Variants in OSBPL6 observed in about 807,000 individuals in gnomAD.
OSBPL6 encodes oxysterol binding protein like 6.
OSBPL6 carries 49 observed loss-of-function variants against 125.8 expected under a neutral mutation model. The observed-to-expected ratio is 0.39, with a 90% CI of 0.31 to 0.49. The LOEUF (loss-of-function observed/expected upper bound fraction) is 0.49. OSBPL6 is among the 20% of genes least tolerant of loss of function. The pLI, the probability that OSBPL6 is intolerant of heterozygous loss-of-function variation, is 0.88. For missense variants in OSBPL6, 986 were observed against 1,135.4 expected, an observed-to-expected ratio of 0.87 and a Z score of 1.89; for synonymous variants, 394 against 391.8, an observed-to-expected ratio of 1.01 and a Z score of -0.07.
intron 11 of OSBPL6, among the ~76,000 whole-genome samples, chr2:178,344,553 A>G (rs1373818646): frequency 1.3e-5 from 2 of 152,226 alleles, no homozygotes; most frequent in Admixed American, 6.5e-5. Context: ...CCTTTTTACA[A>G]TGGAGAACTA....
chr2:178,356,189 G>A (rs1211867546), intron 12 of OSBPL6, among the ~76,000 whole-genome samples: 1 of 152,178 alleles, frequency 6.6e-6, no homozygotes, highest in Non-Finnish European at 1.5e-5. Flanking sequence ...AGACACAGAT[G>A]CCATCTGTCA....
intron 4 of OSBPL6, among the ~76,000 whole-genome samples, chr2:178,326,492 C>T (rs1688707100): frequency 6.6e-6 from 1 of 152,106 alleles, no homozygotes; most frequent in African/African-American, 2.4e-5. Flanking sequence ...AAAATATCAA[C>T]TGAAATTACA....
intron 1 of OSBPL6, among the ~76,000 whole-genome samples, chr2:178,281,004 T>G (rs914971748): frequency 2.1e-5 from 3 of 139,686 alleles, no homozygotes; most frequent in Non-Finnish European, 4.6e-5. Context: ...TTGCAATTGC[T>G]TTTGACTTTT....
At chr2:178,306,423 G>A (rs542116711) in intron 3 of OSBPL6, 137 bp downstream of exon 3, 21 of 616,428 alleles carry the variant, frequency 3.4e-5, no homozygotes, top group African/African-American at 3.1e-4. Context: ...ATTTTCTGTA[G>A]GTACGTTCAT....
intron 13 of OSBPL6, among the ~76,000 whole-genome samples, chr2:178,363,329 G>T (rs1421424490): frequency 6.6e-6 from 1 of 152,168 alleles, no homozygotes; most frequent in African/African-American, 2.4e-5. Flanking sequence ...TTATTCATTT[G>T]TTCATTCCCT....
At chr2:178,381,142 GA>G (rs1417160926) in intron 15 of OSBPL6, among the ~76,000 whole-genome samples, 2 of 152,162 alleles carry the variant, frequency 1.3e-5, no homozygotes, top group African/African-American at 4.8e-5. Flanking sequence ...TTGCCTGTGG[GA>G]AAGTCATTAG....
intron 2 of OSBPL6, among the ~76,000 whole-genome samples, chr2:178,296,910 G>A (rs1340326941): frequency 1.3e-5 from 2 of 152,272 alleles, no homozygotes; most frequent in East Asian, 1.9e-4. Flanking sequence ...TGATATGTGG[G>A]TAATGGCTTG....
intron 1 of OSBPL6, among the ~76,000 whole-genome samples, chr2:178,206,213 G>C (rs2089519737): frequency 6.6e-6 from 1 of 152,174 alleles, no homozygotes. Flanking sequence ...AAACAAAAAA[G>C]ACCCGTCTCG....
chr2:178,308,234 C>G (rs144314087), intron 3 of OSBPL6, among the ~76,000 whole-genome samples: 11 of 152,342 alleles, frequency 7.2e-5, no homozygotes, highest in African/African-American at 2.6e-4. Context: ...AATTACAGTT[C>G]TGTTTTTCCT....
chr2:178,338,190 C>T (rs962010734), intron 9 of OSBPL6, among the ~76,000 whole-genome samples: 4 of 152,098 alleles, frequency 2.6e-5, no homozygotes, highest in African/African-American at 9.7e-5. Context: ...ACCTCTGCCT[C>T]CCGACGTGCT....
intron 15 of OSBPL6, among the ~76,000 whole-genome samples, chr2:178,374,902 A>G (rs553031107): frequency 6.6e-6 from 1 of 152,354 alleles, no homozygotes; most frequent in East Asian, 1.9e-4. Context: ...GTGAATACAT[A>G]TCATTTTTAT....
intron 1 of OSBPL6, among the ~76,000 whole-genome samples, chr2:178,209,054 G>C (rs929483532): frequency 6.6e-5 from 10 of 152,098 alleles, no homozygotes; most frequent in Admixed American, 6.5e-4. Flanking sequence ...TTGTTTTTCT[G>C]TCTGGTAGTT....
In OSBPL6 at chr2:178,254,870, A is replaced by G. The variant is rs116560788; in HGVS notation, c.-350-30057A>G. 6.2e-3 allele frequency among the ~76,000 whole-genome samples: 944 copies of G among 152,330 alleles called. 7 individuals are homozygous for G. Among genetic ancestry groups the G allele is most frequent in the African/African-American group, 0.021 (889 of 41,588 alleles). On this transcript the variant is annotated intron_variant, in intron 1 of 24. Coordinates refer to ENST00000190611, the MANE Select transcript of OSBPL6 (RefSeq NM_032523.4). ...GTAGTGTATTTAGTCTGTTCTCATGATGCTACATACCCAAGACTGGGTAAT... is the reference window on the plus strand; with the variant it reads ...GTAGTGTATTTAGTCTGTTCTCATGGTGCTACATACCCAAGACTGGGTAAT...
At chr2:178,379,820 G>A (rs897200776) in intron 15 of OSBPL6, among the ~76,000 whole-genome samples, 2 of 152,134 alleles carry the variant, frequency 1.3e-5, no homozygotes, top group South Asian at 2.1e-4. Flanking sequence ...AAAAGATTTT[G>A]TTCTCAATTT....
chr2:178,341,992 G>A (rs935910932), intron 11 of OSBPL6, among the ~76,000 whole-genome samples: 2 of 152,064 alleles, frequency 1.3e-5, no homozygotes, highest in Non-Finnish European at 2.9e-5. Flanking sequence ...GAGAGGCATA[G>A]CATCTAATTT....
chr2:178,268,321 A>T (rs1489785830), intron 1 of OSBPL6, among the ~76,000 whole-genome samples: 1 of 152,138 alleles, frequency 6.6e-6, no homozygotes, highest in African/African-American at 2.4e-5. Context: ...ACCTCAGGTG[A>T]TCCATCCGCC....
At chr2:178,341,550 T>C (rs939800396) in intron 11 of OSBPL6, among the ~76,000 whole-genome samples, 10 of 152,204 alleles carry the variant, frequency 6.6e-5, no homozygotes, top group African/African-American at 2.4e-4. Flanking sequence ...TATTTCACCT[T>C]GTTTGTGACT....
Position 178,320,423 on chromosome 2 carries a change from T to C in OSBPL6, c.103-3754T>C, listed in dbSNP as rs1688137114. 4 of 1,610,496 alleles carry C rather than the reference T, an allele frequency of 2.5e-6. No individual in the cohort carries two copies. In the South Asian group the frequency reaches 3.3e-5, roughly 13 times the overall value. Reference sequence around the variant, plus strand: ...GGCGGGTAAGTACTTCCACCTTCTCTGTGTGTTCTAAGTTCCTTAAAAAAC... The same window carrying C: ...GGCGGGTAAGTACTTCCACCTTCTCCGTGTGTTCTAAGTTCCTTAAAAAAC... On this transcript the variant is annotated intron_variant, in intron 3 of 24. Coordinates refer to ENST00000190611, the MANE Select transcript of OSBPL6 (RefSeq NM_032523.4).
intron 1 of OSBPL6, among the ~76,000 whole-genome samples, chr2:178,279,820 A>G (rs1683957762): frequency 6.6e-6 from 1 of 152,186 alleles, no homozygotes; most frequent in African/African-American, 2.4e-5. Flanking sequence ...TCAGGCTTGA[A>G]CTTTATACAC....
Sources: gnomAD v4.1 joint callset for allele counts (sites outside exome capture counted in the v4.1 genomes callset) on GRCh38, gnomAD v4.1.1 for gene constraint, MANE v1.5 for transcripts, NCBI Gene and HGNC (gene_info 2026-07-23, HGNC 2026-07-21) for gene names.